INSL6: variants seen among roughly 807,000 people sequenced by gnomAD.
INSL6 encodes the protein insulin-like peptide INSL6.
INSL6 carries 16 observed loss-of-function variants against 9.4 expected under a neutral mutation model. That is an observed-to-expected ratio of 1.70 (90% CI 1.15 to 2.59). INSL6 has a LOEUF of 2.59. Ranked by LOEUF, INSL6 falls within the 30% of genes most tolerant of loss-of-function variation. The pLI, the probability that INSL6 is intolerant of heterozygous loss-of-function variation, is 0.00. For missense variants in INSL6, 391 were observed against 257.3 expected (o/e 1.52, Z -3.56); for synonymous variants, 154 against 96.9 (o/e 1.59, Z -3.46).
At chr9:5,180,626 A>C (rs1040503907) in intron 1 of INSL6, among the ~76,000 whole-genome samples, 13 of 152,168 alleles carry the variant, frequency 8.5e-5, no homozygotes, top group African/African-American at 2.9e-4. Flanking sequence ...CCTCAGGCTT[A>C]CTAGGGTGGG....
At chr9:5,073,811 TGCCTTTCTCAG>T in the INSL6 span, 1 of 1,402,746 alleles carries the variant, frequency 7.1e-7, no homozygotes, top group Non-Finnish European at 1.0e-6. Context: ...GGCTTTCTAA[TGCCTTTCTCAG>T]AGCATCTGTT....
chr9:5,071,605 T>TA, the INSL6 span, among the ~76,000 whole-genome samples: 1 of 152,128 alleles, frequency 6.6e-6, no homozygotes, highest in Admixed American at 6.5e-5. Context: ...CTGAAGAAAT[T>TA]AAGAATGCAG....
At chr9:4,996,983 A>G in the INSL6 span, among the ~76,000 whole-genome samples, 1 of 141,352 alleles carries the variant, frequency 7.1e-6, no homozygotes, top group African/African-American at 2.7e-5. Context: ...GCTGGAGGAC[A>G]GTGGCTCGAT....
At chr9:5,045,138 A>T in the INSL6 span, among the ~76,000 whole-genome samples, 1 of 152,206 alleles carries the variant, frequency 6.6e-6, no homozygotes, top group African/African-American at 2.4e-5. Context: ...TCATTAAATA[A>T]CTTGTTTTTA....
chr9:5,010,825 C>T, the INSL6 span, among the ~76,000 whole-genome samples: 190 of 152,186 alleles, frequency 1.2e-3, no homozygotes, highest in African/African-American at 4.3e-3. Context: ...TATCTGAAAA[C>T]ATATTTGTTT....
At chr9:5,015,022 C>T in the INSL6 span, among the ~76,000 whole-genome samples, 6 of 151,870 alleles carry the variant, frequency 4.0e-5, no homozygotes, top group South Asian at 2.1e-4. Context: ...TTTAGAAAAA[C>T]GGTATTTTAC....
At chr9:5,053,283 G>A in the INSL6 span, among the ~76,000 whole-genome samples, 5 of 152,010 alleles carry the variant, frequency 3.3e-5, no homozygotes, top group Non-Finnish European at 1.5e-5. Context: ...CTGTAGAGAA[G>A]TGTCTATTTG....
the INSL6 span, chr9:5,091,084 C>A: frequency 2.0e-6 from 1 of 489,564 alleles, no homozygotes. Context: ...TTATAGTCCA[C>A]GTGGGAAAAT....
the INSL6 span, chr9:5,099,941 T>C: frequency 1.3e-3 from 198 of 152,322 alleles, no homozygotes; most frequent in African/African-American, 4.5e-3. Flanking sequence ...GCTGGCTTTT[T>C]ACCACAAGGC....
chr9:5,027,207 C>T, the INSL6 span, among the ~76,000 whole-genome samples: 4 of 152,152 alleles, frequency 2.6e-5, no homozygotes, highest in Non-Finnish European at 5.9e-5. Flanking sequence ...AATACTGACA[C>T]ACCTCGGAGA....
At chr9:5,182,072 T>C (rs189216541) in intron 1 of INSL6, among the ~76,000 whole-genome samples, 178 of 152,298 alleles carry the variant, frequency 1.2e-3, no homozygotes, top group African/African-American at 4.1e-3. Flanking sequence ...TAGATGTGTA[T>C]CCCAGAAACA....
chr9:5,146,523 G>A (rs1412326519), intron 2 of INSL6, among the ~76,000 whole-genome samples: 1 of 152,204 alleles, frequency 6.6e-6, no homozygotes, highest in Non-Finnish European at 1.5e-5. Context: ...GGCCTTCTCT[G>A]TGCCCCATAA....
At chr9:5,054,477 AG>A in the INSL6 span, 1 of 1,120,988 alleles carries the variant, frequency 8.9e-7, no homozygotes, top group Non-Finnish European at 1.3e-6. The surrounding 1 kb of genome is among the most constrained non-coding windows in gnomAD (Gnocchi z 4.9). Context: ...TCATGGAAAA[AG>A]GTGGTAACTT....
At chr9:5,023,567 G>C in the INSL6 span, among the ~76,000 whole-genome samples, 2 of 152,112 alleles carry the variant, frequency 1.3e-5, no homozygotes, top group Non-Finnish European at 2.9e-5. Flanking sequence ...AAAATTCCAG[G>C]GGTTCACAGT....
the INSL6 span, among the ~76,000 whole-genome samples, chr9:5,021,482 A>G: frequency 2.0e-5 from 3 of 152,208 alleles, no homozygotes; most frequent in Non-Finnish European, 4.4e-5. Context: ...TTTAAAATGT[A>G]TGATTTCTTG....
the INSL6 span, chr9:5,078,338 T>C: frequency 1.9e-6 from 3 of 1,612,586 alleles, no homozygotes; most frequent in Admixed American, 3.3e-5. Flanking sequence ...GGAATGTATG[T>C]GCCAAAAATA....
chr9:5,087,119 G>A, the INSL6 span, among the ~76,000 whole-genome samples: 1 of 152,204 alleles, frequency 6.6e-6, no homozygotes, highest in Non-Finnish European at 1.5e-5. Flanking sequence ...CTTACTGGTT[G>A]TATTAGTCTG....
chr9:5,021,743 A>G, the INSL6 span, among the ~76,000 whole-genome samples: 1 of 152,024 alleles, frequency 6.6e-6, no homozygotes, highest in Non-Finnish European at 1.5e-5. Flanking sequence ...CTTCCGCTCC[A>G]CTCCCAGAGT....
At chr9:5,034,923 C>T in the INSL6 span, among the ~76,000 whole-genome samples, 5 of 152,160 alleles carry the variant, frequency 3.3e-5, no homozygotes, top group African/African-American at 1.2e-4. Flanking sequence ...ACAAAAAACC[C>T]TTCAAAAAAA....
Sources: allele counts gnomAD v4.1 joint callset (sites outside exome capture counted in the v4.1 genomes callset), GRCh38; gene constraint gnomAD v4.1.1; non-coding constraint Gnocchi (gnomAD v3.1); transcripts MANE v1.5; gene names NCBI Gene and HGNC (gene_info 2026-07-23, HGNC 2026-07-21).